The following SIN3A variants were observed in gnomAD, a reference collection of about 807,000 sequenced individuals.
SIN3A encodes paired amphipathic helix protein Sin3a.
In SIN3A, 14 loss-of-function variants were observed where a neutral mutation model predicts 146.1. That is an observed-to-expected ratio of 0.10 (90% confidence interval 0.06 to 0.15). The LOEUF (loss-of-function observed/expected upper bound fraction) is 0.15, where lower values mean the gene tolerates loss of function less well. Among genes scored for constraint, SIN3A ranks in the 10% least tolerant of loss-of-function variants. The pLI, the probability that SIN3A is intolerant of heterozygous loss-of-function variation, is 1.00. For missense variants in SIN3A, 1,028 were observed against 1,576.0 expected (o/e 0.65, Z 5.89); for synonymous variants, 572 against 572.0 (o/e 1.00, Z 0.00).
intron 1 of SIN3A, among the ~76,000 whole-genome samples, chr15:75,431,321 C>G (rs1281909752): frequency 6.6e-6 from 1 of 152,164 alleles, no homozygotes; most frequent in Non-Finnish European, 1.5e-5. Context: ...AAATTTTCTT[C>G]TGGTTTTAAC....
chr15:75,372,299 C>A, intron 20 of SIN3A, 90 bp from the exon 21 acceptor site: 2 of 774,480 alleles, frequency 2.6e-6, no homozygotes, highest in South Asian at 2.1e-5. Flanking sequence ...TCTAAAGGAG[C>A]AAAGGAAAGA....
intron 1 of SIN3A, among the ~76,000 whole-genome samples, chr15:75,438,394 G>A (rs2074142855): frequency 1.3e-5 from 2 of 151,660 alleles, no homozygotes; most frequent in African/African-American, 2.4e-5. Flanking sequence ...AAAAAAAAAC[G>A]GGTGGGATGC....
chr15:75,392,626 A>T lies in SIN3A; in HGVS notation c.2467T>A (p.Leu823Met). The T allele has an allele frequency of 6.2e-7, 1 of 1,614,126 alleles. No individual in the cohort carries two copies. Among genetic ancestry groups the T allele is most frequent in the Non-Finnish European group, 8.5e-7 (1 of 1,180,026 alleles). ...AGATCACCTCTTTGGGCAAAGAGCA[A>T]ATCTGGAATAAAATGATGCATGATT... ...KQIMHHFIPD[L>M]LFAQRGDLSD... The change falls in exon 15 of 21, where the codon TTG (leucine) becomes ATG (methionine). Residue 823 changes from leucine to methionine, a missense_variant. Leu to Met is a conservative substitution (Grantham distance 15). Around this residue, in one of 9 missense-constraint regions of SIN3A, gnomAD observed 488 missense variants for 690.2 expected, o/e 0.71. Coordinates refer to ENST00000394947, the MANE Select transcript of SIN3A (RefSeq NM_001145358.2).
chr15:75,380,168 T>C (rs2072938222), intron 19 of SIN3A, among the ~76,000 whole-genome samples: 3 of 152,250 alleles, frequency 2.0e-5, no homozygotes, highest in Admixed American at 2.0e-4. Flanking sequence ...GCATTTTGCA[T>C]GTGTTGTCAC....
intron 1 of SIN3A, among the ~76,000 whole-genome samples, chr15:75,446,832 C>A (rs968192153): frequency 6.6e-6 from 1 of 151,982 alleles, no homozygotes; most frequent in African/African-American, 2.4e-5. Flanking sequence ...AGTGCAGTGG[C>A]ACGATCTTGG....
At chr15:75,372,321 G>T in intron 20 of SIN3A, 112 bp from the exon 21 acceptor site, 1 of 580,652 alleles carries the variant, frequency 1.7e-6, no homozygotes, top group Non-Finnish European at 2.9e-6. Context: ...GTGGGCTCAA[G>T]TCTTAGATAC....
chr15:75,442,136 A>C (rs2074224740), intron 1 of SIN3A, among the ~76,000 whole-genome samples: 1 of 148,196 alleles, frequency 6.7e-6, no homozygotes, highest in East Asian at 1.9e-4. Flanking sequence ...AAAAAAAAAA[A>C]AAAAAAAAAA....
intron 1 of SIN3A, among the ~76,000 whole-genome samples, chr15:75,442,530 T>G (rs2074234391): frequency 6.7e-6 from 1 of 150,054 alleles, no homozygotes; most frequent in Admixed American, 6.7e-5. Flanking sequence ...ATAGTGCCAG[T>G]TACTTGGGGG....
chr15:75,401,704 A>G (rs1399258655), intron 10 of SIN3A, 148 bp downstream of exon 10: 5 of 592,738 alleles, frequency 8.4e-6, no homozygotes, highest in Non-Finnish European at 1.5e-5. Flanking sequence ...GCTGGACTAG[A>G]AGACTTCTCA....
intron 20 of SIN3A, among the ~76,000 whole-genome samples, chr15:75,374,508 A>C (rs761455455): frequency 6.6e-6 from 1 of 152,160 alleles, no homozygotes; most frequent in Non-Finnish European, 1.5e-5. Flanking sequence ...TGCTCTTCCA[A>C]CTTTATATAT....
intron 12 of SIN3A, 57 bp from the exon 13 acceptor site, chr15:75,396,553 T>C: frequency 1.6e-6 from 2 of 1,257,722 alleles, no homozygotes; most frequent in South Asian, 1.3e-5. Context: ...TAGAATAGAG[T>C]AGTGTTTAGA....
intron 13 of SIN3A, among the ~76,000 whole-genome samples, chr15:75,395,296 A>G (rs1476432954): frequency 6.6e-6 from 1 of 152,230 alleles, no homozygotes; most frequent in Non-Finnish European, 1.5e-5. Context: ...ATCAGAACTG[A>G]TTCTAATAAC....
At chr15:75,410,350 G>T in intron 6 of SIN3A, 64 bp from the exon 7 acceptor site, 1 of 1,496,856 alleles carries the variant, frequency 6.7e-7, no homozygotes. Flanking sequence ...ATCTTTGCAC[G>T]CTTTCTGGAA....
chr15:75,389,204 T>C (rs1352747350), intron 16 of SIN3A, among the ~76,000 whole-genome samples: 1 of 151,878 alleles, frequency 6.6e-6, no homozygotes, highest in Admixed American at 6.6e-5. Flanking sequence ...CTCGTGTCTA[T>C]AATCCCAGCG....
rs889866448 is a variant in SIN3A, at chr15:75,392,321, T to C, written c.2772A>G (p.Arg924=). The change falls in exon 15 of 21, where the codon AGA becomes AGG. Residue 924 remains arginine, a synonymous_variant. Transcript: ENST00000394947. ...ERQIEEENRE[R]EWEREVLGIK... ...TGCCCAGCACTTCCCGTTCCCATTC[T>C]CTCTCTCGGTTTTCTTCTTCAATTT... 4 of 1,614,192 alleles carry C rather than the reference T, an allele frequency of 2.5e-6. No homozygotes were observed. Among genetic ancestry groups the C allele is most frequent in the Non-Finnish European group, 2.5e-6 (3 of 1,180,030 alleles).
intron 8 of SIN3A, 27 bp downstream of exon 8, chr15:75,409,809 A>T: frequency 6.2e-7 from 1 of 1,606,896 alleles, no homozygotes; most frequent in Non-Finnish European, 8.5e-7. Context: ...GTGAGTGTCA[A>T]AATGAGCAGC....
At position 75,384,314 on chromosome 15, in the gene SIN3A, T is replaced by C. The variant is rs143418281; in HGVS notation, c.3145A>G (p.Thr1049Ala). ...TQNSRSLLES[T>A]YQRKAEQLMS... ...AGCTGCTCAGCTTTCCGCTGATACG[T>C]TGACTCCAGGAGGCTCCTTGAGTTC... The change falls in exon 17 of 21, where the codon ACG becomes GCG. Residue 1049 changes from threonine to alanine, a missense_variant. Transcript: ENST00000394947. 73 of 1,613,062 alleles carry C rather than the reference T, an allele frequency of 4.5e-5. No homozygotes were observed. The highest frequency in any genetic ancestry group is 4.1e-4 in the African/African-American group (31 of 74,972).
intron 3 of SIN3A, among the ~76,000 whole-genome samples, chr15:75,414,889 T>C (rs990423688): frequency 1.3e-5 from 2 of 151,976 alleles, no homozygotes; most frequent in African/African-American, 4.8e-5. Flanking sequence ...ACGGGTAAAA[T>C]CCTAGACAGG....
At chr15:75,376,946 AGTTCTTT>A (rs2072874512) in intron 19 of SIN3A, among the ~76,000 whole-genome samples, 1 of 151,798 alleles carries the variant, frequency 6.6e-6, no homozygotes, top group African/African-American at 2.4e-5. Flanking sequence ...TGTAGACAGC[AGTTCTTT>A]GTCCAAAGGG....
Sources: allele counts gnomAD v4.1 joint callset (sites outside exome capture counted in the v4.1 genomes callset), GRCh38; gene constraint gnomAD v4.1.1; regional missense constraint gnomAD v4.1.1; transcripts MANE v1.5; gene names NCBI Gene and HGNC (gene_info 2026-07-23, HGNC 2026-07-21).